Variants in CEP63 observed in about 807,000 individuals in gnomAD.
CEP63 encodes centrosomal protein of 63 kDa.
CEP63 carries 84 observed loss-of-function variants against 89.1 expected under a neutral mutation model. That is an observed-to-expected ratio of 0.94 (90% confidence interval 0.79 to 1.13). The LOEUF (loss-of-function observed/expected upper bound fraction) is 1.13, where lower values mean the gene tolerates loss of function less well. Among genes scored for constraint, CEP63 ranks in the 50% most tolerant of loss-of-function variants. CEP63 has a pLI of 0.00. For missense variants in CEP63, 838 were observed against 813.3 expected, an observed-to-expected ratio of 1.03 and a Z score of -0.37; for synonymous variants, 267 against 272.5, an observed-to-expected ratio of 0.98 and a Z score of 0.20.
chr3:134,769,593 G>A, the CEP63 span, among the ~76,000 whole-genome samples: 2 of 152,188 alleles, frequency 1.3e-5, no homozygotes, highest in Non-Finnish European at 2.9e-5. Context: ...CATAATTGAA[G>A]TTGATAAATA....
At chr3:134,768,064 C>A in the CEP63 span, among the ~76,000 whole-genome samples, 270 of 152,206 alleles carry the variant, frequency 1.8e-3, 3 homozygotes, top group African/African-American at 6.3e-3. Flanking sequence ...GAGGACACAG[C>A]GTGAGGCCAG....
chr3:134,502,432 C>G (rs769445960), intron 2 of CEP63, among the ~76,000 whole-genome samples: 6 of 152,152 alleles, frequency 3.9e-5, no homozygotes, highest in Admixed American at 2.6e-4. Context: ...TAGAATTTGG[C>G]TGTGAATCCA....
At chr3:134,665,696 CACACACAG>C in the CEP63 span, among the ~76,000 whole-genome samples, 13 of 88,410 alleles carry the variant, frequency 1.5e-4, no homozygotes, top group African/African-American at 4.0e-4. Context: ...CACACACACA[CACACACAG>C]AGAGAGAGAG....
At chr3:134,670,502 A>T in the CEP63 span, among the ~76,000 whole-genome samples, 36 of 152,338 alleles carry the variant, frequency 2.4e-4, no homozygotes, top group Non-Finnish European at 4.7e-4. Flanking sequence ...TTCCTTATGG[A>T]GTCAGCCAGC....
intron 3 of CEP63, chr3:134,510,623 C>T (rs1375067241): frequency 2.3e-5 from 15 of 656,502 alleles, no homozygotes; most frequent in African/African-American, 1.3e-4. Context: ...AATTGGGAGG[C>T]GGGAAGCAAG....
chr3:134,665,700 CACAGAGAG>C, the CEP63 span, among the ~76,000 whole-genome samples: 3 of 106,570 alleles, frequency 2.8e-5, no homozygotes, highest in African/African-American at 1.1e-4. Context: ...CACACACACA[CACAGAGAG>C]AGAGAGAGAG....
At chr3:134,620,956 C>T in the CEP63 span, 1 of 741,032 alleles carries the variant, frequency 1.3e-6, no homozygotes, top group Non-Finnish European at 2.3e-6. Context: ...TTCCTCCAGG[C>T]AGAGAAGCTG....
the CEP63 span, among the ~76,000 whole-genome samples, chr3:134,660,260 G>A: frequency 2.0e-5 from 3 of 152,270 alleles, no homozygotes; most frequent in Non-Finnish European, 4.4e-5. Flanking sequence ...GGTTGCGATG[G>A]AGGGATGAGC....
chr3:134,604,307 C>T, the CEP63 span: 1 of 1,613,840 alleles, frequency 6.2e-7, no homozygotes, highest in Non-Finnish European at 8.5e-7. Context: ...TCGGAGTTGC[C>T]CTTGGCAAAG....
rs1043995956 is a variant in CEP63 at position 134,528,553 on chromosome 3, G to T, written c.223-3292G>T. Reference sequence around the variant, plus strand: ...CCACACTACTGAAAGCTTAAGGAGGGGTGTGTGTGTGTGTGCGTGTGTGTG... The same window carrying T: ...CCACACTACTGAAAGCTTAAGGAGGTGTGTGTGTGTGTGTGCGTGTGTGTG... On this transcript the variant is annotated intron_variant, in intron 3 of 14. Transcript: ENST00000675561. Among the ~76,000 whole-genome samples the T allele has an allele frequency of 1.4e-4, 15 of 108,820 alleles. No individual in the cohort carries two copies. In the Admixed American group the frequency reaches 1.6e-3, roughly 11 times the overall value. 71.4% of individuals were successfully genotyped at this position (108,820 alleles called of 152,430 possible). A position where few individuals can be genotyped will look rare whatever the true frequency, so the allele number is the denominator to read the frequency against.
rs2110215821 is a variant in CEP63, at chr3:134,563,674, G to A, written c.*2139G>A. ...CTGACCTCAAGTGATCCACCCGCCT[G>A]AGCTTCCCAAAGTGCTGGGTTATAA... On this transcript the variant is annotated 3_prime_UTR_variant, in exon 15 of 15. Coordinates refer to ENST00000675561, the MANE Select transcript of CEP63 (RefSeq NM_001353108.3). 1 of 152,310 alleles carries A rather than the reference G, an allele frequency of 6.6e-6. No individual in the cohort carries two copies. The highest frequency in any genetic ancestry group is 6.5e-5 in the Admixed American group (1 of 15,294). 9.4% of individuals were successfully genotyped at this position (152,310 alleles called of 1,614,324 possible).
chr3:134,608,581 G>T, the CEP63 span: 1 of 1,612,944 alleles, frequency 6.2e-7, no homozygotes, highest in South Asian at 1.1e-5. Context: ...TCTCAGGCGG[G>T]CTCCTGGAGG....
chr3:134,655,150 A>G, the CEP63 span, among the ~76,000 whole-genome samples: 2 of 152,042 alleles, frequency 1.3e-5, no homozygotes, highest in Admixed American at 1.3e-4. Flanking sequence ...AGTTATAGCT[A>G]TGGCAACTTC....
intron 10 of CEP63, among the ~76,000 whole-genome samples, chr3:134,580,348 C>A (rs1470145457): frequency 1.3e-5 from 2 of 151,890 alleles, no homozygotes; most frequent in African/African-American, 4.8e-5. Context: ...CTGAAATGTT[C>A]TAAAACTGGA....
the CEP63 span, among the ~76,000 whole-genome samples, chr3:134,702,766 G>T: frequency 1.3e-5 from 2 of 152,070 alleles, no homozygotes; most frequent in African/African-American, 4.8e-5. Flanking sequence ...ACCACAAAAA[G>T]ACACCGTCTC....
the CEP63 span, among the ~76,000 whole-genome samples, chr3:134,598,177 G>A: frequency 3.9e-4 from 60 of 152,294 alleles, no homozygotes; most frequent in African/African-American, 1.3e-3. Context: ...TAAAATCAAA[G>A]GTGTGCAAAA....
the CEP63 span, among the ~76,000 whole-genome samples, chr3:134,652,664 G>A: frequency 1.4e-4 from 22 of 152,164 alleles, no homozygotes; most frequent in South Asian, 6.2e-4. Context: ...ACACGCGCGC[G>A]CGCACACCTG....
At chr3:134,491,138 AT>A (rs1185931072) in intron 1 of CEP63, among the ~76,000 whole-genome samples, 2 of 152,182 alleles carry the variant, frequency 1.3e-5, no homozygotes, top group Non-Finnish European at 2.9e-5. Context: ...GTTGTTAGGT[AT>A]TACCAAAGTC....
At chr3:134,607,387 G>A in the CEP63 span, 1 of 985,590 alleles carries the variant, frequency 1.0e-6, no homozygotes, top group East Asian at 1.1e-4. Flanking sequence ...GCCCTGCAAT[G>A]TGGGTTGGAG....
Sources: allele counts gnomAD v4.1 joint callset (sites outside exome capture counted in the v4.1 genomes callset), GRCh38; gene constraint gnomAD v4.1.1; transcripts MANE v1.5; gene names NCBI Gene and HGNC (gene_info 2026-07-23, HGNC 2026-07-21).